The following CYRIB variants were observed in gnomAD, a reference collection of about 807,000 sequenced individuals.
The protein encoded by CYRIB is CYFIP-related Rac1 interactor B.
A neutral mutation model predicts 44.2 loss-of-function variants in CYRIB; 8 were observed. The observed-to-expected ratio is 0.18, with a 90% CI of 0.11 to 0.33. CYRIB has a LOEUF of 0.33. Ranked by LOEUF, CYRIB falls within the 10% of genes least tolerant of loss-of-function variation. The pLI is 1.00. For missense variants in CYRIB, 185 were observed against 382.8 expected (o/e 0.48, Z 4.31); for synonymous variants, 131 against 127.2 (o/e 1.03, Z -0.20).
chr8:129,962,219 G>A (rs2095293391), intron 2 of CYRIB, among the ~76,000 whole-genome samples: 1 of 151,854 alleles, frequency 6.6e-6, no homozygotes, highest in African/African-American at 2.4e-5. Flanking sequence ...ACTCCAGCCT[G>A]GGCAACAGAG....
chr8:129,874,952 T>C (rs934669978), intron 3 of CYRIB, among the ~76,000 whole-genome samples: 1 of 152,032 alleles, frequency 6.6e-6, no homozygotes, highest in African/African-American at 2.4e-5. Flanking sequence ...TCAGAGAAAA[T>C]ATACTCTATT....
intron 2 of CYRIB, among the ~76,000 whole-genome samples, chr8:129,950,058 T>G (rs974449059): frequency 3.0e-4 from 45 of 152,326 alleles, no homozygotes; most frequent in Middle Eastern, 6.8e-3. Context: ...TGGGTAAAAC[T>G]TAAATGTTTG....
intron 1 of CYRIB, among the ~76,000 whole-genome samples, chr8:130,002,810 T>C (rs1592234105): frequency 1.3e-5 from 2 of 152,334 alleles, no homozygotes; most frequent in Middle Eastern, 6.8e-3. Flanking sequence ...TGTAAAAAGC[T>C]GAGCTAGCCA....
intron 1 of CYRIB, among the ~76,000 whole-genome samples, chr8:129,997,793 A>G (rs777983790): frequency 4.5e-4 from 68 of 152,226 alleles, no homozygotes; most frequent in Middle Eastern, 3.4e-3. Flanking sequence ...CTTTGGAGGA[A>G]GAAACTCTGC....
intron 1 of CYRIB, among the ~76,000 whole-genome samples, chr8:129,987,963 C>G (rs542439202): frequency 1.3e-5 from 2 of 152,346 alleles, no homozygotes; most frequent in South Asian, 4.1e-4. Flanking sequence ...AAGCCACCAT[C>G]AGCTGACCCT....
chr8:129,845,248 CTCAATTACCT>C (rs2039178005), intron 11 of CYRIB, among the ~76,000 whole-genome samples: 1 of 152,184 alleles, frequency 6.6e-6, no homozygotes, highest in African/African-American at 2.4e-5. Context: ...CCTCCTAGAT[CTCAATTACCT>C]TCAAGTTTTT....
rs749702365 is a variant in CYRIB, at chr8:129,842,244, TA to T, written c.912-40del. ...AGAAAAAAGATCAATTTTAGGAACTTAAAAAATAATCAGCATCGGGTTCTCT... is the reference window on the plus strand; with the variant it reads ...AGAAAAAAGATCAATTTTAGGAACTTAAAAATAATCAGCATCGGGTTCTCT... On this transcript the variant is annotated intron_variant, in intron 11 of 11. Coordinates refer to ENST00000519824, the Ensembl canonical transcript of CYRIB. The T allele has an allele frequency of 2.1e-6, 3 of 1,429,704 alleles. No homozygotes were observed. In the Admixed American group the frequency reaches 5.3e-5, roughly 25 times the overall value. 88.6% of individuals were successfully genotyped at this position (1,429,704 alleles called of 1,614,324 possible). A position where few individuals can be genotyped will look rare whatever the true frequency, so the allele number is the denominator to read the frequency against.
chr8:129,989,357 C>T (rs1197158481), intron 1 of CYRIB, among the ~76,000 whole-genome samples: 1 of 152,222 alleles, frequency 6.6e-6, no homozygotes, highest in African/African-American at 2.4e-5. Context: ...AAGGCGGTCT[C>T]TACTTCCCAA....
chr8:129,953,525 A>G (rs889549993), intron 2 of CYRIB, among the ~76,000 whole-genome samples: 5 of 152,170 alleles, frequency 3.3e-5, no homozygotes, highest in African/African-American at 1.2e-4. Flanking sequence ...TGTTTACAGC[A>G]CACACCATCA....
At chr8:130,003,964 G>A (rs1444745310) in intron 1 of CYRIB, among the ~76,000 whole-genome samples, 3 of 152,212 alleles carry the variant, frequency 2.0e-5, no homozygotes, top group Non-Finnish European at 4.4e-5. Context: ...GACAAAGTCA[G>A]AAGGGGCCTA....
At chr8:129,890,224 C>T (rs1306442507) in intron 2 of CYRIB, among the ~76,000 whole-genome samples, 1 of 152,096 alleles carries the variant, frequency 6.6e-6, no homozygotes, top group Non-Finnish European at 1.5e-5. Context: ...GAAATGTTAC[C>T]CAACAGTATC....
chr8:129,969,975 A>G (rs1054751618), intron 2 of CYRIB, among the ~76,000 whole-genome samples: 3 of 152,174 alleles, frequency 2.0e-5, no homozygotes, highest in African/African-American at 7.2e-5. Flanking sequence ...GCCAAGGTGG[A>G]AGCATGAATC....
chr8:129,943,932 A>G (rs1460334450), upstream of CYRIB, among the ~76,000 whole-genome samples: 1 of 145,706 alleles, frequency 6.9e-6, no homozygotes, highest in Admixed American at 6.9e-5. Context: ...AAAAAAAAAA[A>G]GAATGAGACC....
chr8:129,985,265 C>T (rs540899172), intron 1 of CYRIB, among the ~76,000 whole-genome samples: 1 of 152,324 alleles, frequency 6.6e-6, no homozygotes, highest in East Asian at 1.9e-4. Context: ...GGATGGGCAC[C>T]ACAGCGGCTG....
At chr8:129,869,104 G>C (rs980504448) in intron 4 of CYRIB, among the ~76,000 whole-genome samples, 1 of 149,630 alleles carries the variant, frequency 6.7e-6, no homozygotes, top group Non-Finnish European at 1.5e-5. Flanking sequence ...AAGAAAAAAA[G>C]GCTGGGCGCG....
At chr8:129,958,331 A>G (rs1028910567) in intron 2 of CYRIB, among the ~76,000 whole-genome samples, 2 of 152,166 alleles carry the variant, frequency 1.3e-5, no homozygotes, top group Non-Finnish European at 2.9e-5. Context: ...CAGCACACAA[A>G]TGACTTTTGG....
At chr8:129,847,103 A>ACATG (rs1317919041) in intron 10 of CYRIB, 7 of 383,892 alleles carry the variant, frequency 1.8e-5, no homozygotes, top group South Asian at 4.1e-5. Context: ...AATATACCAC[A>ACATG]CATGCAATGA....
intron 3 of CYRIB, among the ~76,000 whole-genome samples, chr8:129,879,095 A>C (rs185132893): frequency 1.3e-5 from 2 of 152,350 alleles, no homozygotes; most frequent in East Asian, 3.9e-4. Context: ...GTCCTTTCCA[A>C]CAAAATTTTT....
chr8:129,926,287 C>T lies in CYRIB; in HGVS notation c.-50+13321G>A, dbSNP rs144487159. On this transcript the variant is annotated intron_variant, in intron 1 of 11. Coordinates refer to ENST00000519824, the Ensembl canonical transcript of CYRIB. The stretch of plus-strand genomic sequence containing the variant: ...AGTTTATATTTTTTAAAACCTTGTA[C>T]AATAACACTTCATTTATATAATTTC... 2.0e-5 allele frequency among the ~76,000 whole-genome samples: 3 copies of T among 152,294 alleles called. 1 individual carries two copies. The East Asian group carries it at 5.8e-4, about 29-fold the overall frequency.
Sources: gnomAD v4.1 joint callset for allele counts (sites outside exome capture counted in the v4.1 genomes callset) on GRCh38, gnomAD v4.1.1 for gene constraint, MANE v1.5 for transcripts, NCBI Gene and HGNC (gene_info 2026-07-23, HGNC 2026-07-21) for gene names.